DLG5: variants seen among roughly 807,000 people sequenced by gnomAD.
DLG5 encodes the protein disks large homolog 5.
DLG5 carries 48 observed loss-of-function variants against 189.8 expected under a neutral mutation model. The ratio of observed to expected loss-of-function variants is 0.25; its 90% CI spans 0.20 to 0.32. The LOEUF is 0.32. DLG5 is among the 10% of genes least tolerant of loss of function. The probability of loss-of-function intolerance (pLI) is 1.00; values close to 1 mark genes in which losing one functional copy is unlikely to be tolerated. For missense variants in DLG5, 2,160 were observed against 2,544.7 expected, an observed-to-expected ratio of 0.85 and a Z score of 3.25; for synonymous variants, 1,016 against 1,054.1, an observed-to-expected ratio of 0.96 and a Z score of 0.70.
At chr10:77,927,304 A>G (rs1405665788), upstream of DLG5, 3 of 152,940 alleles carry the variant, frequency 2.0e-5, no homozygotes, top group African/African-American at 4.8e-5. Flanking sequence ...CCAGCCCACA[A>G]GCTGCTGGAG....
At position 77,806,838 on chromosome 10, in the gene DLG5, G is replaced by C. The variant is rs752031653; in HGVS notation, c.4887C>G (p.Gly1629=). Reference sequence around the variant, plus strand: ...GCCAAGCCATCCAGGACCCGAACGTGCCCTGGGGTAAGGTGTCATCCACGT... The same window carrying C: ...GCCAAGCCATCCAGGACCCGAACGTCCCCTGGGGTAAGGTGTCATCCACGT... The part of the protein sequence containing the change: ...ILYVDDTLPQ[G]TFGSWMAWQL... The change falls in exon 26 of 32, where the codon GGC becomes GGG. Residue 1629 remains glycine, a synonymous_variant. Coordinates refer to ENST00000372391, the MANE Select transcript of DLG5 (RefSeq NM_004747.4). 1 of 1,614,100 alleles carries C rather than the reference G, an allele frequency of 6.2e-7. No individual in the cohort carries two copies. The highest frequency in any genetic ancestry group is 1.7e-5 in the Admixed American group (1 of 60,018).
Position 77,806,923 on chromosome 10 carries a change from AGG to A in DLG5, c.4800_4801del (p.Leu1601ValfsTer14). ...CTCCACATCTGCCAGCCGGTCGTAC[AGG>A]GCCCTGGACCACAGCACAGAAGGAA... On this transcript the variant is annotated frameshift_variant, in exon 26 of 32. Transcript: ENST00000372391. LOFTEE classifies it high-confidence loss of function. The A allele has an allele frequency of 6.2e-7, 1 of 1,613,136 alleles. No homozygotes were observed. The highest frequency in any genetic ancestry group is 8.5e-7 in the Non-Finnish European group (1 of 1,179,154).
At chr10:77,874,014 A>G (rs1358881939) in intron 1 of DLG5, among the ~76,000 whole-genome samples, 1 of 152,082 alleles carries the variant, frequency 6.6e-6, no homozygotes, top group Admixed American at 6.6e-5. Flanking sequence ...CCACAGCCTG[A>G]CGAACCACAG....
chr10:77,926,948 A>G (rs895244265), upstream of DLG5: 3 of 375,756 alleles, frequency 8.0e-6, no homozygotes, highest in Admixed American at 9.1e-5. The surrounding 1 kb of genome is among the most constrained non-coding windows in gnomAD (Gnocchi z 5.2). Context: ...CAAGACTACA[A>G]CTCCCGGGAG....
chr10:77,844,866 A>G (rs1442860978), intron 5 of DLG5, among the ~76,000 whole-genome samples: 8 of 152,236 alleles, frequency 5.3e-5, no homozygotes, highest in African/African-American at 1.9e-4. Flanking sequence ...CACACTGGGC[A>G]GAGAGGGGGG....
the DLG5 span, among the ~76,000 whole-genome samples, chr10:77,932,389 T>G: frequency 6.6e-6 from 1 of 152,312 alleles, no homozygotes; most frequent in South Asian, 2.1e-4. Flanking sequence ...TAGATAGTAT[T>G]TTTAATTAAT....
At chr10:77,808,841 T>C (rs1367246259) in intron 24 of DLG5, among the ~76,000 whole-genome samples, 1 of 152,212 alleles carries the variant, frequency 6.6e-6, no homozygotes, top group African/African-American at 2.4e-5. Context: ...ACGCCTGTAA[T>C]CCCTGTACTT....
Position 77,805,700 on chromosome 10 carries a change from T to G in DLG5, c.5129A>C (p.Asp1710Ala). Residue 1710 changes from aspartate to alanine, a missense_variant, in exon 27 of 32, where the codon GAT (aspartate) becomes GCT (alanine). Around this residue, in one of 5 missense-constraint regions of DLG5, gnomAD observed 574 missense variants for 644.2 expected, o/e 0.89. Coordinates refer to ENST00000372391, the MANE Select transcript of DLG5 (RefSeq NM_004747.4). ...TGGAATGGAGTCACTGGAAAAGGCATCCAAGGCGAGCAGGTCTTTCCCGTC... is the reference window on the plus strand; with the variant it reads ...TGGAATGGAGTCACTGGAAAAGGCAGCCAAGGCGAGCAGGTCTTTCCCGTC... The part of the protein sequence containing the change: ...SKDGKDLLAL[D>A]AFSSDSIPLF... 6.2e-7 allele frequency: 1 copy of G among 1,613,684 alleles called. No homozygotes were observed. Among genetic ancestry groups the G allele is most frequent in the Non-Finnish European group, 8.5e-7 (1 of 1,179,668 alleles).
chr10:77,820,043 C>T (rs749004449), intron 15 of DLG5, 25 bp from the exon 16 acceptor site: 1 of 1,611,746 alleles, frequency 6.2e-7, no homozygotes, highest in Non-Finnish European at 8.5e-7. Context: ...GCAAGAGTGT[C>T]TGCTAGAAAG....
rs373256810 is a variant in DLG5, at chr10:77,814,670, G to T, written c.4025+1881C>A. ...GCTCACTGCAACCTCCGCCTCCCGG[G>T]TTCAAGCAATTCTCCTGCCTCAGCC... On this transcript the variant is annotated intron_variant, in intron 20 of 31. Transcript: ENST00000372391. 4.0e-5 allele frequency among the ~76,000 whole-genome samples: 6 copies of T among 151,748 alleles called. No homozygotes were observed. The East Asian group carries it at 1.2e-3, about 30-fold the overall frequency.
chr10:77,849,150 G>A (rs1377161064), intron 5 of DLG5, among the ~76,000 whole-genome samples: 3 of 152,150 alleles, frequency 2.0e-5, no homozygotes, highest in African/African-American at 7.2e-5. Flanking sequence ...CTCCCCTAGG[G>A]CTGCCTCATT....
intron 20 of DLG5, among the ~76,000 whole-genome samples, chr10:77,813,705 T>C (rs1460456325): frequency 6.6e-6 from 1 of 152,062 alleles, no homozygotes; most frequent in East Asian, 1.9e-4. Flanking sequence ...GTACAACACG[T>C]GTATCACAAT....
At chr10:77,825,496 T>A (rs1842588731) in intron 13 of DLG5, among the ~76,000 whole-genome samples, 1 of 151,550 alleles carries the variant, frequency 6.6e-6, no homozygotes, top group African/African-American at 2.4e-5. Flanking sequence ...GAAGAGTACA[T>A]AGGACCCCCC....
intron 13 of DLG5, among the ~76,000 whole-genome samples, chr10:77,828,627 A>G (rs1055496689): frequency 2.0e-5 from 3 of 152,044 alleles, no homozygotes; most frequent in Non-Finnish European, 4.4e-5. Flanking sequence ...TGAGGGACAG[A>G]GAGAGATAGA....
intron 9 of DLG5, among the ~76,000 whole-genome samples, chr10:77,832,627 C>G (rs1240262817): frequency 6.6e-6 from 1 of 152,232 alleles, no homozygotes; most frequent in Non-Finnish European, 1.5e-5. Flanking sequence ...GCAACACAGA[C>G]CCCCTCACCA....
chr10:77,809,529 C>T lies in DLG5; in HGVS notation c.4647+18G>A. 1 of 1,604,062 alleles carries T rather than the reference C, an allele frequency of 6.2e-7. No homozygotes were observed. Among genetic ancestry groups the T allele is most frequent in the East Asian group, 2.2e-5 (1 of 44,774 alleles). On this transcript the variant is annotated intron_variant, in intron 24 of 31. Transcript: ENST00000372391. ...CAGGTAGATGGAGGCCTGGCCTGCT[C>T]AGCAGCTCAGAACTCACCTCCAGGA... is the stretch of plus-strand genomic sequence containing the variant.
At chr10:77,801,268 T>G (rs1841189871) in intron 27 of DLG5, among the ~76,000 whole-genome samples, 1 of 151,874 alleles carries the variant, frequency 6.6e-6, no homozygotes, top group Non-Finnish European at 1.5e-5. Flanking sequence ...TAAAGCCTGG[T>G]AAAAAAGAAC....
At chr10:77,876,217 C>A (rs1200577735) in intron 1 of DLG5, among the ~76,000 whole-genome samples, 1 of 151,640 alleles carries the variant, frequency 6.6e-6, no homozygotes, top group Non-Finnish European at 1.5e-5. Flanking sequence ...TATTTCTGGT[C>A]GTTATAAGAA....
intron 7 of DLG5, among the ~76,000 whole-genome samples, chr10:77,836,431 A>G (rs1843138583): frequency 6.6e-6 from 1 of 152,116 alleles, no homozygotes; most frequent in African/African-American, 2.4e-5. Context: ...GGCTTTCCAA[A>G]CATGCAAAAG....
Sources: gnomAD v4.1 joint callset for allele counts (sites outside exome capture counted in the v4.1 genomes callset) on GRCh38, gnomAD v4.1.1 for gene constraint, gnomAD v4.1.1 regional missense constraint, Gnocchi (gnomAD v3.1) non-coding constraint, MANE v1.5 for transcripts, NCBI Gene and HGNC (gene_info 2026-07-23, HGNC 2026-07-21) for gene names.